Variants in POMGNT2 observed in about 807,000 individuals in gnomAD.
The protein encoded by POMGNT2 is protein O-linked mannose N-acetylglucosaminyltransferase 2 (beta 1,4-), also known as protein O-linked-mannose beta-1,4-N-acetylglucosaminyltransferase 2.
Under a neutral mutation model 37.8 loss-of-function variants are expected in POMGNT2, and 32 were observed. The observed-to-expected ratio is 0.85, with a 90% CI of 0.64 to 1.14. POMGNT2 has a LOEUF of 1.14. POMGNT2 is among the 50% of genes most tolerant of loss of function. The pLI, the probability that POMGNT2 is intolerant of heterozygous loss-of-function variation, is 0.00. For missense variants in POMGNT2, 705 were observed against 780.6 expected (o/e 0.90, Z 1.15); for synonymous variants, 340 against 336.8 (o/e 1.01, Z -0.10).
chr3:43,088,340 C>CGCT (rs1218140504), intron 1 of POMGNT2, among the ~76,000 whole-genome samples: 4 of 152,192 alleles, frequency 2.6e-5, no homozygotes, highest in Admixed American at 6.5e-5. Context: ...AGACAGTGAA[C>CGCT]GCTGTCACTA....
intron 1 of POMGNT2, among the ~76,000 whole-genome samples, chr3:43,083,519 T>C (rs911023753): frequency 6.6e-6 from 1 of 152,256 alleles, no homozygotes; most frequent in Non-Finnish European, 1.5e-5. Flanking sequence ...AATTCCACTT[T>C]GATTTATCAG....
rs932328857 is a variant in POMGNT2 at position 43,098,871 on chromosome 3, C to T, written c.-106+6965G>A. On this transcript the variant is annotated intron_variant, in intron 1 of 1. Coordinates refer to ENST00000344697, the MANE Select transcript of POMGNT2 (RefSeq NM_032806.6). The surrounding 1 kb of genome is among the most constrained non-coding windows in gnomAD (Gnocchi z 4.3). Reference sequence around the variant, plus strand: ...GCCTTCCACCAGCTCATATGCAACCCTCTCACCGGTTTTCAGCCTCCAAAT... The same window carrying T: ...GCCTTCCACCAGCTCATATGCAACCTTCTCACCGGTTTTCAGCCTCCAAAT... Among the ~76,000 whole-genome samples the T allele has an allele frequency of 1.3e-5, 2 of 152,184 alleles. No individual in the cohort carries two copies. The highest frequency in any genetic ancestry group is 2.9e-5 in the Non-Finnish European group (2 of 68,034).
rs780544642 is a variant in POMGNT2 at position 43,081,408 on chromosome 3, G to A, written c.24C>T (p.Asn8=). 2.6e-5 allele frequency: 42 copies of A among 1,588,030 alleles called. No homozygotes were observed. Among genetic ancestry groups the A allele is most frequent in the African/African-American group, 1.3e-4 (10 of 74,432 alleles). The change falls in exon 2 of 2, where the codon AAC becomes AAT. Residue 8 remains asparagine, a synonymous_variant. Transcript: ENST00000344697. MHLSAVF[N]ALLVSVLAAV... is the part of the protein sequence containing the mutation. Reference sequence around the variant, plus strand: ...CTGCCAGCACCGACACCAGGAGGGCGTTGAACACCGCCGAGAGGTGCATCC... The same window carrying A: ...CTGCCAGCACCGACACCAGGAGGGCATTGAACACCGCCGAGAGGTGCATCC...
At position 43,080,712 on chromosome 3, in the gene POMGNT2, A is replaced by G. The variant is rs956135531; in HGVS notation, c.720T>C (p.Thr240=). 52 of 1,614,028 alleles carry G rather than the reference A, an allele frequency of 3.2e-5. No individual in the cohort carries two copies. The highest frequency in any genetic ancestry group is 4.2e-5 in the Non-Finnish European group (49 of 1,180,036). The change falls in exon 2 of 2, where the codon ACT becomes ACC. Residue 240 remains threonine, a synonymous_variant. Coordinates refer to ENST00000344697, the MANE Select transcript of POMGNT2 (RefSeq NM_032806.6). ...GCACAAAGCCATACTGGTACCAGGT[A>G]GTGATCTTGGAGAGGCCCACAAAAG... ...SHAFVGLSKI[T]TWYQYGFVQP... is the part of the protein sequence containing the mutation.
rs997916496 is a variant in POMGNT2, at chr3:43,098,339, T to A, written c.-106+7497A>T. Among the ~76,000 whole-genome samples, 1 of 152,220 alleles carries A rather than the reference T, an allele frequency of 6.6e-6. No homozygotes were observed. Among genetic ancestry groups the A allele is most frequent in the East Asian group, 1.9e-4 (1 of 5,206 alleles). The stretch of plus-strand genomic sequence containing the variant: ...CACTAACTCAAGCTTATCCTCAGAA[T>A]GATCTCTTTCCCCCTCCTTTTTTTT... On this transcript the variant is annotated intron_variant, in intron 1 of 1. Coordinates refer to ENST00000344697, the MANE Select transcript of POMGNT2 (RefSeq NM_032806.6). The surrounding 1 kb of genome is among the most constrained non-coding windows in gnomAD (Gnocchi z 4.3).
intron 1 of POMGNT2, among the ~76,000 whole-genome samples, chr3:43,084,710 G>A (rs191856988): frequency 4.6e-5 from 7 of 151,046 alleles, no homozygotes; most frequent in Admixed American, 2.6e-4. Flanking sequence ...ATTTTTTTCC[G>A]GTATTTTTTC....
At position 43,080,745 on chromosome 3, in the gene POMGNT2, G is replaced by A. The variant is rs750795502; in HGVS notation, c.687C>T (p.Phe229=). ...QLKTLGRLLC[F]SHAFVGLSKI... ...TGGAGAGGCCCACAAAAGCATGGGA[G>A]AAGCACAGCAGCCGGCCCAGGGTCT... Residue 229 remains phenylalanine, a synonymous_variant, in exon 2 of 2, where the codon TTC becomes TTT. Coordinates refer to ENST00000344697, the MANE Select transcript of POMGNT2 (RefSeq NM_032806.6). The A allele has an allele frequency of 1.9e-6, 3 of 1,614,150 alleles. No homozygotes were observed. Among genetic ancestry groups the A allele is most frequent in the Admixed American group, 1.7e-5 (1 of 60,030 alleles).
At chr3:43,095,398 T>G (rs1200778439) in intron 1 of POMGNT2, among the ~76,000 whole-genome samples, 3 of 152,232 alleles carry the variant, frequency 2.0e-5, no homozygotes, top group African/African-American at 7.2e-5. Flanking sequence ...TCCAATGAGA[T>G]GGGATCCGTA....
At chr3:43,099,293 G>T (rs1372961119) in intron 1 of POMGNT2, among the ~76,000 whole-genome samples, 2 of 152,216 alleles carry the variant, frequency 1.3e-5, no homozygotes, top group South Asian at 2.1e-4. Context: ...ACGAGGAAGT[G>T]TGCACAACAA....
Position 43,080,262 on chromosome 3 carries a change from A to G in POMGNT2, c.1170T>C (p.Tyr390=). 5 of 1,614,186 alleles carry G rather than the reference A, an allele frequency of 3.1e-6. No individual in the cohort carries two copies. The highest frequency in any genetic ancestry group is 4.2e-6 in the Non-Finnish European group (5 of 1,180,030). ...LAMLPGMDLQ[Y]VAWRNMMPEN... Reference sequence around the variant, plus strand: ...CTGGCATCATGTTCCGCCAGGCTACATACTGGAGGTCCATGCCAGGCAGCA... The same window carrying G: ...CTGGCATCATGTTCCGCCAGGCTACGTACTGGAGGTCCATGCCAGGCAGCA... Residue 390 remains tyrosine (Y), a synonymous_variant, in exon 2 of 2, where the codon TAT becomes TAC. Coordinates refer to ENST00000344697, the MANE Select transcript of POMGNT2 (RefSeq NM_032806.6).
chr3:43,083,565 C>T (rs1467050114), intron 1 of POMGNT2, among the ~76,000 whole-genome samples: 1 of 152,154 alleles, frequency 6.6e-6, no homozygotes, highest in Non-Finnish European at 1.5e-5. Flanking sequence ...TATAGATTTT[C>T]TAGTGGTTGC....
intron 1 of POMGNT2, among the ~76,000 whole-genome samples, chr3:43,083,114 A>G (rs2089869183): frequency 6.6e-6 from 1 of 152,192 alleles, no homozygotes; most frequent in Non-Finnish European, 1.5e-5. Flanking sequence ...GCCCACACAT[A>G]TGAATATATC....
intron 1 of POMGNT2, among the ~76,000 whole-genome samples, chr3:43,105,023 T>C (rs12233614): frequency 1.3e-5 from 2 of 152,170 alleles, no homozygotes; most frequent in Non-Finnish European, 2.9e-5. Context: ...TACTAAGTCC[T>C]ATCAAGCTCG....
chr3:43,095,147 T>C (rs2089970878), intron 1 of POMGNT2, among the ~76,000 whole-genome samples: 1 of 152,254 alleles, frequency 6.6e-6, no homozygotes, highest in East Asian at 1.9e-4. Context: ...CAGTCCAGGA[T>C]TCAACACCAA....
Position 43,079,882 on chromosome 3 carries a change from A to G in POMGNT2, c.1550T>C (p.Val517Ala). ...QIPWNLKYLK[V>A]REVKYEVWLQ... ...CCACACCTCGTACTTCACCTCCCTC[A>G]CCTTCAGGTATTTAAGGTTCCATGG... The change falls in exon 2 of 2, where the codon GTG becomes GCG. Residue 517 changes from valine to alanine, a missense_variant. Physicochemically the swap from Val to Ala is moderately conservative, Grantham distance 64. Coordinates refer to ENST00000344697, the MANE Select transcript of POMGNT2 (RefSeq NM_032806.6). 3 of 1,614,048 alleles carry G rather than the reference A, an allele frequency of 1.9e-6. No homozygotes were observed. The highest frequency in any genetic ancestry group is 2.5e-6 in the Non-Finnish European group (3 of 1,179,994).
Position 43,080,342 on chromosome 3 carries a change from G to A in POMGNT2, c.1090C>T (p.Leu364Phe). The A allele has an allele frequency of 6.2e-7, 1 of 1,614,156 alleles. No homozygotes were observed. Among genetic ancestry groups the A allele is most frequent in the Non-Finnish European group, 8.5e-7 (1 of 1,180,028 alleles). Residue 364 changes from leucine to phenylalanine, a missense_variant, in exon 2 of 2, where the codon CTC becomes TTC. Leu to Phe is a conservative substitution (Grantham distance 22). Coordinates refer to ENST00000344697, the MANE Select transcript of POMGNT2 (RefSeq NM_032806.6). ...FLPRGATVVELFPYAVNPDHY... is the reference protein window; with the variant it reads ...FLPRGATVVEFFPYAVNPDHY... ...TCGGGATTGACAGCATATGGGAAGA[G>A]CTCTACCACAGTTGCCCCACGGGGC...
rs556648652 is a variant in POMGNT2 at position 43,080,728 on chromosome 3, C to T, written c.704G>A (p.Gly235Asp). The T allele has an allele frequency of 6.2e-7, 1 of 1,614,102 alleles. No individual in the cohort carries two copies. Among genetic ancestry groups the T allele is most frequent in the East Asian group, 2.2e-5 (1 of 44,874 alleles). The change falls in exon 2 of 2, where the codon GGC becomes GAC. Residue 235 changes from glycine to aspartate, a missense_variant. Transcript: ENST00000344697. ...RLLCFSHAFVGLSKITTWYQY... is the reference protein window; with the variant it reads ...RLLCFSHAFVDLSKITTWYQY... ...GTACCAGGTAGTGATCTTGGAGAGG[C>T]CCACAAAAGCATGGGAGAAGCACAG...
Position 43,079,808 on chromosome 3 carries a change from GC to G in POMGNT2, c.1623del (p.Gln542ArgfsTer73). On this transcript the variant is annotated frameshift_variant, in exon 2 of 2. Transcript: ENST00000344697. LOFTEE classifies it high-confidence loss of function. The stretch of plus-strand genomic sequence containing the variant: ...ATGTTCTCAGTGAAGGTGTGGTTCT[GC>G]AGAGCCAGGATGTAAGGCACGTAGG... ...ENTYVPYILALQNHTFTENIK... is the reference protein window; with the variant it reads ...ENTYVPYILAXQNHTFTENIK... 1 of 1,614,210 alleles carries G rather than the reference GC, an allele frequency of 6.2e-7. No homozygotes were observed. The highest frequency in any genetic ancestry group is 8.5e-7 in the Non-Finnish European group (1 of 1,180,042).
Position 43,079,813 on chromosome 3 carries a change from G to T in POMGNT2, c.1619C>A (p.Ala540Asp), listed in dbSNP as rs1439486545. The change falls in exon 2 of 2, where the codon GCT becomes GAT. Residue 540 changes from alanine to aspartate, a missense_variant. Ala to Asp is a moderately radical substitution (Grantham distance 126, BLOSUM62 -2). Coordinates refer to ENST00000344697, the MANE Select transcript of POMGNT2 (RefSeq NM_032806.6). Reference sequence around the variant, plus strand: ...CTCAGTGAAGGTGTGGTTCTGCAGAGCCAGGATGTAAGGCACGTAGGTGTT... The same window carrying T: ...CTCAGTGAAGGTGTGGTTCTGCAGATCCAGGATGTAAGGCACGTAGGTGTT... ...GENTYVPYILALQNHTFTENI... is the reference protein window; with the variant it reads ...GENTYVPYILDLQNHTFTENI... 12 of 1,614,092 alleles carry T rather than the reference G, an allele frequency of 7.4e-6. No homozygotes were observed. The highest frequency in any genetic ancestry group is 9.3e-6 in the Non-Finnish European group (11 of 1,180,052).
Sources: allele counts gnomAD v4.1 joint callset (sites outside exome capture counted in the v4.1 genomes callset), GRCh38; gene constraint gnomAD v4.1.1; non-coding constraint Gnocchi (gnomAD v3.1); transcripts MANE v1.5; gene names NCBI Gene and HGNC (gene_info 2026-07-23, HGNC 2026-07-21).